PRMT8: variants seen among roughly 807,000 people sequenced by gnomAD.
The protein encoded by PRMT8 is protein arginine N-methyltransferase 8.
PRMT8 carries 7 observed loss-of-function variants against 47.1 expected under a neutral mutation model. The ratio of observed to expected loss-of-function variants is 0.15; its 90% confidence interval spans 0.08 to 0.28. PRMT8 has a LOEUF of 0.28. PRMT8 is among the 10% of genes least tolerant of loss of function. The probability of loss-of-function intolerance (pLI) is 1.00; values close to 1 mark genes in which losing one functional copy is unlikely to be tolerated. For synonymous variants in PRMT8, 188 were observed against 186.5 expected, an observed-to-expected ratio of 1.01 and a Z score of -0.07; for missense variants, 237 against 505.4, an observed-to-expected ratio of 0.47 and a Z score of 5.09.
At chr12:3,558,437 A>G (rs1424720114) in intron 4 of PRMT8, among the ~76,000 whole-genome samples, 1 of 152,206 alleles carries the variant, frequency 6.6e-6, no homozygotes, top group Non-Finnish European at 1.5e-5. Context: ...AGCCACATGC[A>G]ACCATCAAAG....
At chr12:3,417,177 G>T (rs1382447900) in intron 1 of PRMT8, among the ~76,000 whole-genome samples, 1 of 152,228 alleles carries the variant, frequency 6.6e-6, no homozygotes, top group Non-Finnish European at 1.5e-5. Context: ...TGTGGAGTTC[G>T]TAAATTTTGG....
intron 1 of PRMT8, among the ~76,000 whole-genome samples, chr12:3,506,504 C>T (rs1865626576): frequency 6.6e-6 from 1 of 152,148 alleles, no homozygotes; most frequent in Non-Finnish European, 1.5e-5. Flanking sequence ...TTTAGCTTCC[C>T]TGCCCAGAGG....
chr12:3,548,353 A>T (rs1297511537), intron 2 of PRMT8, among the ~76,000 whole-genome samples: 1 of 152,184 alleles, frequency 6.6e-6, no homozygotes, highest in Non-Finnish European at 1.5e-5. Flanking sequence ...CAAAATTAAA[A>T]ACTGCTTTAA....
Position 3,583,072 on chromosome 12 carries a change from C to T in PRMT8, c.843C>T (p.Tyr281=), listed in dbSNP as rs377408239. The T allele has an allele frequency of 1.9e-6, 3 of 1,613,716 alleles. No homozygotes were observed. The highest frequency in any genetic ancestry group is 8.5e-7 in the Non-Finnish European group (1 of 1,179,930). The change falls in exon 8 of 10, where the codon TAC becomes TAT. Residue 281 remains tyrosine (Y), a synonymous_variant. Coordinates refer to ENST00000382622, the MANE Select transcript of PRMT8 (RefSeq NM_019854.5). The surrounding 1 kb of genome is among the most constrained non-coding windows in gnomAD (Gnocchi z 4.7). The part of the protein sequence containing the change: ...NACLIKEVDI[Y]TVKTEELSFT... ...CTGGGCTGCAGGAGGTGGACATTTA[C>T]ACAGTGAAGACGGAAGAGCTATCGT...
chr12:3,574,861 C>T (rs189260066), intron 6 of PRMT8, among the ~76,000 whole-genome samples: 3 of 152,340 alleles, frequency 2.0e-5, no homozygotes, highest in East Asian at 3.9e-4. Flanking sequence ...CTCAAACTCC[C>T]GGCAGAGTCC....
intron 8 of PRMT8, among the ~76,000 whole-genome samples, chr12:3,590,447 T>C (rs1239434407): frequency 6.6e-6 from 1 of 152,130 alleles, no homozygotes; most frequent in Non-Finnish European, 1.5e-5. Context: ...GCTCATATGA[T>C]TGTGGGACAG....
At chr12:3,433,531 A>G (rs376968660) in intron 1 of PRMT8, among the ~76,000 whole-genome samples, 17 of 152,224 alleles carry the variant, frequency 1.1e-4, no homozygotes, top group East Asian at 9.6e-4. Flanking sequence ...TTTGCTCAAG[A>G]TCACACAGCT....
At chr12:3,565,375 T>C (rs1217580870) in intron 4 of PRMT8, among the ~76,000 whole-genome samples, 1 of 152,158 alleles carries the variant, frequency 6.6e-6, no homozygotes, top group Non-Finnish European at 1.5e-5. Flanking sequence ...CATAAAGTTG[T>C]GCAGGTTGAG....
At chr12:3,460,580 G>T (rs896104328) in intron 1 of PRMT8, among the ~76,000 whole-genome samples, 12 of 152,268 alleles carry the variant, frequency 7.9e-5, no homozygotes, top group Non-Finnish European at 1.6e-4. Context: ...ATGGGATGTG[G>T]GGGTAATAGA....
chr12:3,562,819 A>G (rs1866658992), intron 4 of PRMT8, among the ~76,000 whole-genome samples: 1 of 152,166 alleles, frequency 6.6e-6, no homozygotes, highest in African/African-American at 2.4e-5. Flanking sequence ...ACCTGCCTGT[A>G]TACATTCCCT....
In PRMT8 at chr12:3,493,513, T is replaced by A. The variant is rs887856425; in HGVS notation, c.75+1813T>A. On this transcript the variant is annotated intron_variant, in intron 1 of 9. Transcript: ENST00000382622. This position sits in a 1 kb window ranked among gnomAD's most constrained non-coding sequence, Gnocchi z 8.2. The stretch of plus-strand genomic sequence containing the variant: ...CCCGGCTCATTTTTCTAAGAAAAAG[T>A]TTTTGCGGTTCCCTTTGCCTCCTAC... Among the ~76,000 whole-genome samples, 3 of 152,150 alleles carry A rather than the reference T, an allele frequency of 2.0e-5. No individual in the cohort carries two copies. The highest frequency in any genetic ancestry group is 7.2e-5 in the African/African-American group (3 of 41,504).
intron 2 of PRMT8, 40 bp downstream of exon 2, chr12:3,540,831 A>T (rs1866215439): frequency 6.3e-7 from 1 of 1,582,378 alleles, no homozygotes; most frequent in African/African-American, 1.3e-5. Context: ...GGCGAGGCTG[A>T]CTCTGCTGTT....
In PRMT8 at chr12:3,581,125, G is replaced by T. The variant is rs375859823; in HGVS notation, c.829-1933G>T. Among the ~76,000 whole-genome samples, 13 of 152,312 alleles carry T rather than the reference G, an allele frequency of 8.5e-5. No homozygotes were observed. In the South Asian group the frequency reaches 1.9e-3, roughly 22 times the overall value. On this transcript the variant is annotated intron_variant, in intron 7 of 9. Coordinates refer to ENST00000382622, the MANE Select transcript of PRMT8 (RefSeq NM_019854.5). ...TGGGAACACAGGCTGCTATAAGTAT[G>T]TGCCAATGGAAGGACGTGGAGGACC...
intron 1 of PRMT8, among the ~76,000 whole-genome samples, chr12:3,520,498 A>G (rs1865864548): frequency 6.6e-6 from 1 of 152,262 alleles, no homozygotes; most frequent in Non-Finnish European, 1.5e-5. Context: ...TCTTATAAAA[A>G]GGAGAGGAGA....
At chr12:3,555,641 G>A (rs1248080550) in intron 4 of PRMT8, among the ~76,000 whole-genome samples, 2 of 152,204 alleles carry the variant, frequency 1.3e-5, no homozygotes, top group Admixed American at 6.5e-5. Context: ...GGAATAAGTC[G>A]CAAGCAAGAA....
intron 2 of PRMT8, among the ~76,000 whole-genome samples, chr12:3,543,052 T>C (rs1278378613): frequency 6.6e-6 from 1 of 152,210 alleles, no homozygotes; most frequent in African/African-American, 2.4e-5. Flanking sequence ...TATATAAACA[T>C]AGTGCGGGCT....
chr12:3,385,307 A>G lies in PRMT8; in HGVS notation c.48+3865A>G, dbSNP rs546078923. Among the ~76,000 whole-genome samples, 13 of 152,350 alleles carry G rather than the reference A, an allele frequency of 8.5e-5. No homozygotes were observed. The East Asian group carries it at 2.1e-3, about 25-fold the overall frequency. On this transcript the variant is annotated intron_variant, in intron 1 of 9. Coordinates refer to the PRMT8 transcript ENST00000452611. ...CAAGGTCTGATTCCAGAATCAGCAT[A>G]AGCTGCTACACCATACCACTTCCCC...
At position 3,386,088 on chromosome 12, in the gene PRMT8, T is replaced by C. The variant is rs534420531; in HGVS notation, c.48+4646T>C. 3.6e-4 allele frequency among the ~76,000 whole-genome samples: 55 copies of C among 152,370 alleles called. 1 individual carries two copies. The highest frequency in any genetic ancestry group is 1.3e-3 in the African/African-American group (55 of 41,586). ...CTGCTTTTCTCTTGTTCTTTATCTTTTGCTTTTGTAGCTCAGAACAGAAAA... is the reference window on the plus strand; with the variant it reads ...CTGCTTTTCTCTTGTTCTTTATCTTCTGCTTTTGTAGCTCAGAACAGAAAA... On this transcript the variant is annotated intron_variant, in intron 1 of 9. Transcript: ENST00000452611.
intron 1 of PRMT8, among the ~76,000 whole-genome samples, chr12:3,425,823 A>T (rs943675614): frequency 2.0e-5 from 3 of 152,198 alleles, no homozygotes; most frequent in Admixed American, 2.0e-4. Context: ...AACAAGTGCC[A>T]CTCCAATTAT....
Sources: gnomAD v4.1 joint callset for allele counts (sites outside exome capture counted in the v4.1 genomes callset) on GRCh38, gnomAD v4.1.1 for gene constraint, Gnocchi (gnomAD v3.1) non-coding constraint, MANE v1.5 for transcripts, NCBI Gene and HGNC (gene_info 2026-07-23, HGNC 2026-07-21) for gene names.